The following FTO variants were observed in gnomAD, a reference collection of about 807,000 sequenced individuals.
FTO encodes the protein alpha-ketoglutarate-dependent dioxygenase FTO.
A neutral mutation model predicts 63.9 loss-of-function variants in FTO; 47 were observed. That is an observed-to-expected ratio of 0.74 (90% CI 0.58 to 0.94). The LOEUF (loss-of-function observed/expected upper bound fraction) is 0.94. FTO is among the 40% of genes least tolerant of loss of function. The pLI, the probability that FTO is intolerant of heterozygous loss-of-function variation, is 0.00. For synonymous variants in FTO, 207 were observed against 224.4 expected (o/e 0.92, Z 0.69); for missense variants, 562 against 618.1 (o/e 0.91, Z 0.96).
intron 8 of FTO, among the ~76,000 whole-genome samples, chr16:54,006,271 T>C (rs1269277643): frequency 6.6e-6 from 1 of 152,234 alleles, no homozygotes; most frequent in Non-Finnish European, 1.5e-5. Flanking sequence ...AAATCTTATG[T>C]CAAAACTTAG....
chr16:53,784,215 G>T lies in FTO; in HGVS notation c.46-25925G>T, dbSNP rs187847366. Among the ~76,000 whole-genome samples, 428 of 152,144 alleles carry T rather than the reference G, an allele frequency of 2.8e-3. 1 individual carries two copies. The highest frequency in any genetic ancestry group is 5.2e-3 in the Non-Finnish European group (355 of 67,998). On this transcript the variant is annotated intron_variant, in intron 1 of 8. Transcript: ENST00000471389. The stretch of plus-strand genomic sequence containing the variant: ...TTCAGCACATTGTTCTGTTTCAAGG[G>T]GCTCTGCAAAGTATACTTGCTGTCT...
intron 1 of FTO, among the ~76,000 whole-genome samples, chr16:53,757,268 A>G (rs1193750524): frequency 1.3e-5 from 2 of 152,158 alleles, no homozygotes; most frequent in African/African-American, 4.8e-5. Context: ...TTTCAAGTAT[A>G]TAATACATTG....
intron 1 of FTO, among the ~76,000 whole-genome samples, chr16:53,751,724 G>C (rs1336856969): frequency 6.6e-6 from 1 of 152,148 alleles, no homozygotes; most frequent in African/African-American, 2.4e-5. Context: ...AGAATATGGT[G>C]ATTGTTGAAC....
At chr16:53,710,499 G>A (rs1028819039) in intron 1 of FTO, among the ~76,000 whole-genome samples, 1 of 152,020 alleles carries the variant, frequency 6.6e-6, no homozygotes, top group African/African-American at 2.4e-5. Context: ...TCCTGACCTC[G>A]TGATTCACCT....
intron 1 of FTO, among the ~76,000 whole-genome samples, chr16:53,752,331 G>C (rs755373284): frequency 6.6e-6 from 1 of 151,970 alleles, no homozygotes; most frequent in Non-Finnish European, 1.5e-5. Flanking sequence ...CCTATTGCAG[G>C]GTTGCACTTT....
chr16:53,784,310 C>A (rs1349017729), intron 1 of FTO, among the ~76,000 whole-genome samples: 1 of 152,138 alleles, frequency 6.6e-6, no homozygotes, highest in Non-Finnish European at 1.5e-5. Flanking sequence ...AATAAATAAC[C>A]TAAACTGGTA....
At chr16:53,839,775 T>TA (rs1555483134) in intron 3 of FTO, among the ~76,000 whole-genome samples, 7 of 36,960 alleles carry the variant, frequency 1.9e-4, no homozygotes, top group Non-Finnish European at 3.3e-4. Context: ...TTTTCTTTTT[T>TA]TTTATTTATT....
At chr16:53,797,874 A>G (rs1240574873) in intron 1 of FTO, among the ~76,000 whole-genome samples, 1 of 151,908 alleles carries the variant, frequency 6.6e-6, no homozygotes, top group Non-Finnish European at 1.5e-5. Context: ...TTTCTCTGAA[A>G]TCTCTGCCTT....
chr16:53,746,119 C>A (rs1200296896), intron 1 of FTO, among the ~76,000 whole-genome samples: 3 of 152,172 alleles, frequency 2.0e-5, no homozygotes, highest in Non-Finnish European at 4.4e-5. Flanking sequence ...TTCCTCTGAG[C>A]ACACTGGAAG....
At chr16:53,779,915 A>G (rs1191304991) in intron 1 of FTO, among the ~76,000 whole-genome samples, 2 of 152,170 alleles carry the variant, frequency 1.3e-5, no homozygotes, top group Non-Finnish European at 2.9e-5. Context: ...TGTCACTACT[A>G]CTACAGGCCA....
chr16:53,933,833 G>A (rs1338261694), intron 7 of FTO, 152 bp from the exon 8 acceptor site: 13 of 707,466 alleles, frequency 1.8e-5, no homozygotes, highest in African/African-American at 5.4e-5. Flanking sequence ...AATATATGCC[G>A]GCCATTTTTG....
intron 8 of FTO, among the ~76,000 whole-genome samples, chr16:54,049,415 T>C (rs1472540432): frequency 6.6e-6 from 1 of 152,158 alleles, no homozygotes; most frequent in Non-Finnish European, 1.5e-5. Flanking sequence ...GTGTGTGTGG[T>C]CACCCAGAGA....
intron 1 of FTO, among the ~76,000 whole-genome samples, chr16:53,734,084 A>G (rs1167882242): frequency 1.3e-5 from 2 of 152,230 alleles, no homozygotes; most frequent in African/African-American, 4.8e-5. Context: ...AAGTACCAAA[A>G]AAGCATTTCT....
chr16:53,755,409 G>T (rs1050467631), intron 1 of FTO, among the ~76,000 whole-genome samples: 2 of 152,260 alleles, frequency 1.3e-5, no homozygotes, highest in South Asian at 4.2e-4. Context: ...ATATTCAGCT[G>T]TCTGATCCCG....
At chr16:53,833,035 T>A (rs1384241717) in intron 3 of FTO, among the ~76,000 whole-genome samples, 1 of 152,176 alleles carries the variant, frequency 6.6e-6, no homozygotes, top group Non-Finnish European at 1.5e-5. Flanking sequence ...GCACATGTTG[T>A]GGGAGGGACC....
At chr16:53,783,644 C>T (rs915609787) in intron 1 of FTO, among the ~76,000 whole-genome samples, 5 of 142,294 alleles carry the variant, frequency 3.5e-5, no homozygotes, top group African/African-American at 1.1e-4. Context: ...GAAAATTAGC[C>T]GGGCGTGGTG....
intron 8 of FTO, among the ~76,000 whole-genome samples, chr16:54,000,731 G>A (rs1045110581): frequency 3.3e-5 from 5 of 152,176 alleles, no homozygotes; most frequent in African/African-American, 9.7e-5. Context: ...GTATGTCTCA[G>A]ACAACACGAT....
chr16:53,978,894 G>T (rs1233023577), intron 8 of FTO, among the ~76,000 whole-genome samples: 1 of 152,026 alleles, frequency 6.6e-6, no homozygotes, highest in Non-Finnish European at 1.5e-5. Context: ...AGCAACTCGG[G>T]AGGCTGAGGC....
intron 1 of FTO, among the ~76,000 whole-genome samples, chr16:53,760,476 A>G (rs926792472): frequency 6.6e-6 from 1 of 151,250 alleles, no homozygotes; most frequent in African/African-American, 2.4e-5. Context: ...AAACTCCTGG[A>G]CTCAAGCCGT....
Sources: gnomAD v4.1 joint callset for allele counts (sites outside exome capture counted in the v4.1 genomes callset) on GRCh38, gnomAD v4.1.1 for gene constraint, MANE v1.5 for transcripts, NCBI Gene and HGNC (gene_info 2026-07-23, HGNC 2026-07-21) for gene names.